The following SWI5 variants were observed in gnomAD, a reference collection of about 807,000 sequenced individuals.
SWI5 encodes the protein SWI5 homologous recombination repair protein.
Under a neutral mutation model 17.0 loss-of-function variants are expected in SWI5, and 12 were observed. The observed-to-expected ratio is 0.71, with a 90% confidence interval of 0.45 to 1.14. The LOEUF (loss-of-function observed/expected upper bound fraction) is 1.14. Among genes scored for constraint, SWI5 ranks in the 50% most tolerant of loss-of-function variants. The probability of loss-of-function intolerance (pLI) is 0.00; values close to 1 mark genes in which losing one functional copy is unlikely to be tolerated. For missense variants in SWI5, 158 were observed against 162.2 expected, an observed-to-expected ratio of 0.97 and a Z score of 0.14; for synonymous variants, 61 against 64.0, an observed-to-expected ratio of 0.95 and a Z score of 0.22.
At chr9:128,275,774 G>A, upstream of SWI5, 1 of 622,134 alleles carries the variant, frequency 1.6e-6, no homozygotes, top group Non-Finnish European at 2.7e-6. Flanking sequence ...AGGGAGCCCG[G>A]ACGCGCCGTG....
chr9:128,286,906 G>A (rs1831648796), intron 4 of SWI5, among the ~76,000 whole-genome samples: 1 of 152,102 alleles, frequency 6.6e-6, no homozygotes, highest in Non-Finnish European at 1.5e-5. Context: ...AGCACCGTGG[G>A]AGGCCGAGGT....
upstream of SWI5, among the ~76,000 whole-genome samples, chr9:128,275,714 C>CG (rs933516811): frequency 2.6e-5 from 4 of 151,028 alleles, no homozygotes; most frequent in African/African-American, 9.7e-5. Context: ...CTGGCGAGGG[C>CG]GGGGGCTGGG....
At chr9:128,282,344 G>A (rs1316224258) in intron 2 of SWI5, among the ~76,000 whole-genome samples, 2 of 152,082 alleles carry the variant, frequency 1.3e-5, no homozygotes, top group East Asian at 3.9e-4. Flanking sequence ...CTGAGATTGT[G>A]CCACAGCACT....
chr9:128,284,811 C>T (rs565496266), intron 3 of SWI5, among the ~76,000 whole-genome samples, 180 bp downstream of exon 3: 6 of 152,142 alleles, frequency 3.9e-5, no homozygotes, highest in African/African-American at 7.2e-5. Context: ...CAAAAAATAG[C>T]TGGGCACAGT....
intron 2 of SWI5, among the ~76,000 whole-genome samples, chr9:128,282,342 G>A (rs1347754151): frequency 6.6e-6 from 1 of 152,044 alleles, no homozygotes. Flanking sequence ...AGCTGAGATT[G>A]TGCCACAGCA....
At chr9:128,288,884 C>T in exon 5 of SWI5, 1 of 693,616 alleles carries the variant, frequency 1.4e-6, no homozygotes, top group Non-Finnish European at 2.4e-6. Context: ...AAGAGGCGGG[C>T]AGGGAGGAAG....
intron 4 of SWI5, among the ~76,000 whole-genome samples, chr9:128,287,472 A>G (rs75916456): frequency 6.6e-6 from 1 of 150,886 alleles, no homozygotes; most frequent in Admixed American, 6.6e-5. Flanking sequence ...AAAAAGAAAG[A>G]AAAAGAACAC....
intron 2 of SWI5, among the ~76,000 whole-genome samples, chr9:128,282,634 G>A (rs562524453): frequency 6.6e-6 from 1 of 152,152 alleles, no homozygotes; most frequent in Non-Finnish European, 1.5e-5. Context: ...TCATTGCTGC[G>A]CTCCTGGACC....
chr9:128,277,067 C>T (rs1165902397), intron 2 of SWI5, among the ~76,000 whole-genome samples: 1 of 152,120 alleles, frequency 6.6e-6, no homozygotes, highest in Non-Finnish European at 1.5e-5. Context: ...GCTCTTTTCA[C>T]CCCTCACCCA....
In SWI5 at chr9:128,285,402, G is replaced by T. The variant is rs994425544; in HGVS notation, c.234-537G>T. On this transcript the variant is annotated intron_variant, in intron 3 of 4. Transcript: ENST00000418976. The surrounding 1 kb of genome is among the most constrained non-coding windows in gnomAD (Gnocchi z 4.8). Reference sequence around the variant, plus strand: ...CAGGCTGTGGGAGGGCCTGAACTAGGACTGGAAAGCTATCTGGGATGGAAG... The same window carrying T: ...CAGGCTGTGGGAGGGCCTGAACTAGTACTGGAAAGCTATCTGGGATGGAAG... Among the ~76,000 whole-genome samples the T allele has an allele frequency of 1.3e-5, 2 of 152,176 alleles. No individual in the cohort carries two copies. Among genetic ancestry groups the T allele is most frequent in the Admixed American group, 6.5e-5 (1 of 15,270 alleles).
chr9:128,277,406 C>T (rs1284600827), intron 2 of SWI5, among the ~76,000 whole-genome samples: 2 of 152,174 alleles, frequency 1.3e-5, no homozygotes, highest in South Asian at 2.1e-4. Context: ...ACAAAAAAAT[C>T]AGCCGAGCGT....
intron 3 of SWI5, among the ~76,000 whole-genome samples, 185 bp downstream of exon 3, chr9:128,284,816 C>T (rs1028578263): frequency 1.3e-5 from 2 of 151,986 alleles, no homozygotes; most frequent in Admixed American, 1.3e-4. Flanking sequence ...AATAGCTGGG[C>T]ACAGTGGTAC....
At chr9:128,275,522 GC>G, upstream of SWI5, 3 of 1,302,186 alleles carry the variant, frequency 2.3e-6, no homozygotes, top group South Asian at 2.6e-5. Context: ...GGAGCGGGGG[GC>G]CCCGGGAGTC....
chr9:128,275,441 T>A, upstream of SWI5: 6 of 1,300,068 alleles, frequency 4.6e-6, no homozygotes, highest in Non-Finnish European at 5.9e-6. Flanking sequence ...AGGACCCAGG[T>A]CCTTGGAGAC....
At chr9:128,276,606 C>T (rs759245453) in intron 1 of SWI5, 101 bp from the exon 2 acceptor site, 2 of 1,610,142 alleles carry the variant, frequency 1.2e-6, no homozygotes, top group Admixed American at 1.7e-5. Context: ...GTCCCTGGCG[C>T]TCCTACTTCC....
intron 4 of SWI5, 85 bp from the exon 5 acceptor site, chr9:128,288,566 AG>A: frequency 1.4e-5 from 20 of 1,460,044 alleles, no homozygotes; most frequent in Non-Finnish European, 1.9e-5. Flanking sequence ...TGGGTGGGTC[AG>A]GGCAGTGACA....
chr9:128,288,885 A>T, exon 5 of SWI5: 1 of 674,768 alleles, frequency 1.5e-6, no homozygotes, highest in South Asian at 1.9e-5. Context: ...AGAGGCGGGC[A>T]GGGAGGAAGG....
chr9:128,284,386 G>T (rs1831595919), intron 2 of SWI5, 124 bp from the exon 3 acceptor site: 1 of 1,160,732 alleles, frequency 8.6e-7, no homozygotes, highest in Non-Finnish European at 1.2e-6. Context: ...TGGAAATGCA[G>T]TCTTATTGAG....
At chr9:128,279,980 C>G (rs530615363) in intron 2 of SWI5, among the ~76,000 whole-genome samples, 1 of 152,248 alleles carries the variant, frequency 6.6e-6, no homozygotes, top group East Asian at 1.9e-4. Flanking sequence ...GCCGGTTATT[C>G]TTAGGTTATA....
Sources: allele counts gnomAD v4.1 joint callset (sites outside exome capture counted in the v4.1 genomes callset), GRCh38; gene constraint gnomAD v4.1.1; non-coding constraint Gnocchi (gnomAD v3.1); transcripts MANE v1.5; gene names NCBI Gene and HGNC (gene_info 2026-07-23, HGNC 2026-07-21).